Variants in RARB observed in about 807,000 individuals in gnomAD.
The protein encoded by RARB is HBV-activated protein.
In RARB, 17 loss-of-function variants were observed where a neutral mutation model predicts 51.9. That is an observed-to-expected ratio of 0.33 (90% CI 0.22 to 0.49). RARB has a LOEUF of 0.49. Ranked by LOEUF, RARB falls within the 20% of genes least tolerant of loss-of-function variation. The pLI, the probability that RARB is intolerant of heterozygous loss-of-function variation, is 0.99. For missense variants in RARB, 369 were observed against 550.8 expected, an observed-to-expected ratio of 0.67 and a Z score of 3.30; for synonymous variants, 215 against 195.4, an observed-to-expected ratio of 1.10 and a Z score of -0.84.
At chr3:25,582,510 A>G (rs1701218024) in intron 5 of RARB, among the ~76,000 whole-genome samples, 1 of 151,996 alleles carries the variant, frequency 6.6e-6, no homozygotes, top group Non-Finnish European at 1.5e-5. Context: ...TAGTTGCCAG[A>G]TGATGACAGT....
chr3:25,056,621 T>C (rs1030034074), intron 2 of RARB, among the ~76,000 whole-genome samples: 1 of 152,160 alleles, frequency 6.6e-6, no homozygotes, highest in African/African-American at 2.4e-5. Flanking sequence ...TTCATTATAA[T>C]GAATTCTTTA....
At chr3:25,274,907 A>G (rs1316992313) in intron 5 of RARB, among the ~76,000 whole-genome samples, 4 of 152,172 alleles carry the variant, frequency 2.6e-5, no homozygotes, top group Non-Finnish European at 5.9e-5. Flanking sequence ...CTCAACAGCA[A>G]TGGGGTAGGG....
chr3:25,055,538 C>G (rs1456332929), intron 2 of RARB, among the ~76,000 whole-genome samples: 2 of 152,116 alleles, frequency 1.3e-5, no homozygotes, highest in Non-Finnish European at 2.9e-5. Context: ...GAAGAGTTGG[C>G]TACCCATTAT....
intron 3 of RARB, among the ~76,000 whole-genome samples, chr3:25,091,138 G>A (rs560413387): frequency 1.3e-5 from 2 of 152,278 alleles, no homozygotes; most frequent in East Asian, 3.9e-4. Flanking sequence ...GATCTTTATA[G>A]AACAACAAGT....
intron 2 of RARB, among the ~76,000 whole-genome samples, chr3:25,497,864 G>C (rs1028994383): frequency 1.8e-4 from 28 of 152,294 alleles, no homozygotes; most frequent in African/African-American, 6.5e-4. Context: ...AAGTTTGGGG[G>C]TTCTAATTTT....
intron 4 of RARB, among the ~76,000 whole-genome samples, chr3:25,155,729 A>G (rs1004147394): frequency 7.9e-5 from 12 of 152,274 alleles, no homozygotes; most frequent in Admixed American, 2.6e-4. Context: ...CTCTTTCCAC[A>G]TGACTGTTGA....
chr3:25,303,729 T>C (rs550690477), intron 5 of RARB, among the ~76,000 whole-genome samples: 1 of 152,322 alleles, frequency 6.6e-6, no homozygotes, highest in South Asian at 2.1e-4. Flanking sequence ...CAATAAAAAC[T>C]TACCACAATC....
At chr3:24,839,142 T>C (rs1488817044) in intron 1 of RARB, among the ~76,000 whole-genome samples, 1 of 152,108 alleles carries the variant, frequency 6.6e-6, no homozygotes, top group African/African-American at 2.4e-5. Flanking sequence ...ACTAATTTAC[T>C]CCAATATAGT....
chr3:25,493,145 T>A (rs1207666133), intron 2 of RARB, among the ~76,000 whole-genome samples: 3 of 152,136 alleles, frequency 2.0e-5, no homozygotes, highest in Non-Finnish European at 4.4e-5. Flanking sequence ...TCATTACATT[T>A]ATGCCCACCC....
At chr3:25,112,090 TATG>T (rs1170541878) in intron 3 of RARB, among the ~76,000 whole-genome samples, 1 of 152,180 alleles carries the variant, frequency 6.6e-6, no homozygotes, top group Non-Finnish European at 1.5e-5. Context: ...GTGTTTTGAT[TATG>T]ATAATAATTT....
intron 3 of RARB, among the ~76,000 whole-genome samples, chr3:25,094,447 T>C (rs1370713370): frequency 1.3e-5 from 2 of 152,144 alleles, no homozygotes; most frequent in Non-Finnish European, 2.9e-5. Context: ...CCAGGAGCAG[T>C]AGCTCACACC....
chr3:25,397,510 A>G lies in RARB; in HGVS notation c.179-63683A>G, dbSNP rs538877798. 1.1e-4 allele frequency among the ~76,000 whole-genome samples: 16 copies of G among 152,312 alleles called. No individual in the cohort carries two copies. In the South Asian group the frequency reaches 3.1e-3, roughly 30 times the overall value. ...AAGTTCACAGTGTGAGTCTCCACAC[A>G]CTGTTCTGTCATCCAAGTGGAACCT... On this transcript the variant is annotated intron_variant, in intron 5 of 11. Coordinates refer to the RARB transcript ENST00000383772.
chr3:25,465,889 G>A (rs1026530397), intron 2 of RARB, among the ~76,000 whole-genome samples: 5 of 152,132 alleles, frequency 3.3e-5, no homozygotes, highest in Admixed American at 1.3e-4. Context: ...ATTGCTCATA[G>A]CTAAAATTTA....
At chr3:25,292,013 A>T (rs1247347705) in intron 5 of RARB, among the ~76,000 whole-genome samples, 1 of 151,872 alleles carries the variant, frequency 6.6e-6, no homozygotes, top group Non-Finnish European at 1.5e-5. Context: ...GTTGTTTCTA[A>T]CATGTGAGAA....
At chr3:25,046,689 A>T (rs1475244206) in intron 2 of RARB, among the ~76,000 whole-genome samples, 2 of 152,134 alleles carry the variant, frequency 1.3e-5, no homozygotes, top group Non-Finnish European at 2.9e-5. Context: ...TCCTGTCCTC[A>T]AGTGATCCTC....
intron 5 of RARB, among the ~76,000 whole-genome samples, chr3:25,195,295 G>C (rs1485582377): frequency 6.6e-6 from 1 of 151,926 alleles, no homozygotes; most frequent in Non-Finnish European, 1.5e-5. Context: ...CTTAAGAATA[G>C]GTAGTGTCAT....
At chr3:25,544,501 G>T (rs183210496) in intron 3 of RARB, among the ~76,000 whole-genome samples, 1 of 152,176 alleles carries the variant, frequency 6.6e-6, no homozygotes, top group Non-Finnish European at 1.5e-5. Context: ...TACCTGGAAG[G>T]TTACTTCAGT....
chr3:25,116,445 C>T (rs527764773), intron 3 of RARB, among the ~76,000 whole-genome samples: 1 of 151,684 alleles, frequency 6.6e-6, no homozygotes, highest in Non-Finnish European at 1.5e-5. Flanking sequence ...AAAAACGAGT[C>T]GAGAATATAG....
intron 2 of RARB, among the ~76,000 whole-genome samples, chr3:24,928,652 T>C (rs1394934774): frequency 6.6e-6 from 1 of 152,092 alleles, no homozygotes; most frequent in East Asian, 1.9e-4. Flanking sequence ...TGTCTGCTTA[T>C]GCTTTTCAAG....
Sources: gnomAD v4.1 joint callset for allele counts (sites outside exome capture counted in the v4.1 genomes callset) on GRCh38, gnomAD v4.1.1 for gene constraint, MANE v1.5 for transcripts, NCBI Gene and HGNC (gene_info 2026-07-23, HGNC 2026-07-21) for gene names.